CPSF2: variants seen among roughly 807,000 people sequenced by gnomAD.
The protein encoded by CPSF2 is cleavage and polyadenylation specific factor 2.
Under a neutral mutation model 84.2 loss-of-function variants are expected in CPSF2, and 51 were observed. That is an observed-to-expected ratio of 0.61 (90% CI 0.48 to 0.77). The LOEUF is 0.77. CPSF2 is among the 30% of genes least tolerant of loss of function. CPSF2 has a pLI of 0.00. For synonymous variants in CPSF2, 286 were observed against 311.9 expected, an observed-to-expected ratio of 0.92 and a Z score of 0.87; for missense variants, 641 against 929.4, an observed-to-expected ratio of 0.69 and a Z score of 4.03.
In CPSF2 at chr14:92,159,179, T is replaced by C. The variant is rs1293260545; in HGVS notation, c.2018T>C (p.Ile673Thr). The change falls in exon 14 of 16, where the codon ATA becomes ACA. Residue 673 changes from isoleucine to threonine, a missense_variant. Around this residue, in one of 2 missense-constraint regions of CPSF2, gnomAD observed 430 missense variants for 553.6 expected, o/e 0.78. Transcript: ENST00000298875. Reference protein sequence around the residue: ...QVEAPSDSSVIAQQKAMKSLF... With the variant: ...QVEAPSDSSVTAQQKAMKSLF... Reference sequence around the variant, plus strand: ...GAAGCTCCCTCAGATTCTAGCGTTATAGCACAACAAAAGGCCATGAAAAGT... The same window carrying C: ...GAAGCTCCCTCAGATTCTAGCGTTACAGCACAACAAAAGGCCATGAAAAGT... 2 of 1,614,010 alleles carry C rather than the reference T, an allele frequency of 1.2e-6. No individual in the cohort carries two copies. The highest frequency in any genetic ancestry group is 1.7e-6 in the Non-Finnish European group (2 of 1,179,962).
At chr14:92,129,144 G>A (rs1479009095) in intron 2 of CPSF2, among the ~76,000 whole-genome samples, 2 of 152,122 alleles carry the variant, frequency 1.3e-5, no homozygotes. Flanking sequence ...AGTACAGGGG[G>A]TACAAGAAGT....
At chr14:92,135,771 G>A (rs536641846) in intron 6 of CPSF2, among the ~76,000 whole-genome samples, 65 of 152,276 alleles carry the variant, frequency 4.3e-4, no homozygotes, top group Non-Finnish European at 8.8e-4. Context: ...AATTTTTTAC[G>A]TATCAAATTA....
chr14:92,135,966 G>A (rs1271770805), intron 6 of CPSF2, among the ~76,000 whole-genome samples: 1 of 152,188 alleles, frequency 6.6e-6, no homozygotes, highest in East Asian at 1.9e-4. Context: ...TTCCCGTGCT[G>A]TTCTTGTGAT....
intron 9 of CPSF2, among the ~76,000 whole-genome samples, chr14:92,152,644 G>A (rs1019113428): frequency 6.6e-6 from 1 of 151,684 alleles, no homozygotes; most frequent in African/African-American, 2.4e-5. Context: ...TCACCATGTT[G>A]GCCAGGCTGG....
In CPSF2 at chr14:92,147,826, C is replaced by T. The variant is rs1464780101; in HGVS notation, c.1140+4532C>T. Among the ~76,000 whole-genome samples the T allele has an allele frequency of 6.6e-5, 10 of 152,266 alleles. 1 individual carries two copies. In the East Asian group the frequency reaches 1.7e-3, roughly 26 times the overall value. On this transcript the variant is annotated intron_variant, in intron 9 of 15. Coordinates refer to ENST00000298875, the MANE Select transcript of CPSF2 (RefSeq NM_017437.3). Reference sequence around the variant, plus strand: ...GCAGTCTTGAACTCTTGGGCTCAAGCGCGCCTCCTGCTTAAGCCTCCCAAT... The same window carrying T: ...GCAGTCTTGAACTCTTGGGCTCAAGTGCGCCTCCTGCTTAAGCCTCCCAAT...
In CPSF2 at chr14:92,165,540, C is replaced by T. The variant is rs1488203505; in HGVS notation, c.*3796C>T. On this transcript the variant is annotated 3_prime_UTR_variant, in exon 16 of 16. Transcript: ENST00000298875. Reference sequence around the variant, plus strand: ...CTTAATGACTGATGATGTGGAGCCTCTTTCCATGTGTTTATTGACTTTTTA... The same window carrying T: ...CTTAATGACTGATGATGTGGAGCCTTTTTCCATGTGTTTATTGACTTTTTA... The T allele has an allele frequency of 6.6e-6, 1 of 152,094 alleles. No homozygotes were observed. The highest frequency in any genetic ancestry group is 1.9e-4 in the East Asian group (1 of 5,192). 9.4% of individuals were successfully genotyped at this position (152,094 alleles called of 1,614,324 possible). A position where few individuals can be genotyped will look rare whatever the true frequency, so the allele number is the denominator to read the frequency against.
chr14:92,133,055 A>G (rs2068953654), intron 3 of CPSF2, among the ~76,000 whole-genome samples: 4 of 151,818 alleles, frequency 2.6e-5, no homozygotes, highest in African/African-American at 7.3e-5. Context: ...GCGCCAGTGC[A>G]CTCCAGCCTG....
At chr14:92,129,940 G>T (rs1246385437) in intron 2 of CPSF2, among the ~76,000 whole-genome samples, 1 of 151,956 alleles carries the variant, frequency 6.6e-6, no homozygotes, top group African/African-American at 2.4e-5. Flanking sequence ...TAGAGACAGG[G>T]TCTCACTACA....
Position 92,128,085 on chromosome 14 carries a change from G to A in CPSF2, c.-35+1905G>A, listed in dbSNP as rs538921295. On this transcript the variant is annotated intron_variant, in intron 2 of 15. Transcript: ENST00000298875. ...GCCATGAATTTAAAGAGCAAATAGC[G>A]TTAGCCAGGTGTGGTGGCAGGTGCC... Among the ~76,000 whole-genome samples the A allele has an allele frequency of 8.5e-5, 13 of 152,196 alleles. No homozygotes were observed. In the South Asian group the frequency reaches 1.0e-3, roughly 12 times the overall value.
chr14:92,158,174 T>G (rs74074438), intron 13 of CPSF2, among the ~76,000 whole-genome samples: 3,315 of 152,208 alleles, frequency 0.022, 129 homozygotes, highest in African/African-American at 0.077. Context: ...CTAACTGATG[T>G]TTAGATGGGT....
At position 92,165,109 on chromosome 14, in the gene CPSF2, C is replaced by G. The variant is rs1039877381; in HGVS notation, c.*3365C>G. Reference sequence around the variant, plus strand: ...CACTGTTGTAACATGTATCAGTACCCTTTTTGTGACTGAATATTATTCCAC... The same window carrying G: ...CACTGTTGTAACATGTATCAGTACCGTTTTTGTGACTGAATATTATTCCAC... On this transcript the variant is annotated 3_prime_UTR_variant, in exon 16 of 16. Transcript: ENST00000298875. The G allele has an allele frequency of 1.3e-5, 2 of 152,160 alleles. No homozygotes were observed. Among genetic ancestry groups the G allele is most frequent in the Non-Finnish European group, 2.9e-5 (2 of 68,026 alleles). The allele number at this position is 152,160 out of a possible 1,614,324, so 9.4% of individuals were successfully genotyped here. A position where few individuals can be genotyped will look rare whatever the true frequency, so the allele number is the denominator to read the frequency against.
chr14:92,133,724 C>T (rs934571623), intron 3 of CPSF2, among the ~76,000 whole-genome samples: 1 of 151,986 alleles, frequency 6.6e-6, no homozygotes, highest in Non-Finnish European at 1.5e-5. Context: ...CCTTGGCCTC[C>T]CTAAGTGCTG....
At chr14:92,150,347 C>G (rs1248527387) in intron 9 of CPSF2, among the ~76,000 whole-genome samples, 1 of 151,868 alleles carries the variant, frequency 6.6e-6, no homozygotes, top group Non-Finnish European at 1.5e-5. Context: ...GTCTCGAACT[C>G]CTGACCTCAG....
rs920124285 is a variant in CPSF2, at chr14:92,135,008, G to A, written c.416-359G>A. On this transcript the variant is annotated intron_variant, in intron 5 of 15. Transcript: ENST00000298875. ...AATTATTCTGTTAGTTTAGACGTTAGCAAAAATGGAAACATTTGGTAACTG... is the reference window on the plus strand; with the variant it reads ...AATTATTCTGTTAGTTTAGACGTTAACAAAAATGGAAACATTTGGTAACTG... Among the ~76,000 whole-genome samples the A allele has an allele frequency of 4.6e-5, 7 of 152,178 alleles. No individual in the cohort carries two copies. In the East Asian group the frequency reaches 1.4e-3, roughly 29 times the overall value.
chr14:92,122,033 C>G lies in CPSF2; in HGVS notation c.-189C>G, dbSNP rs1016940504. 2 of 590,370 alleles carry G rather than the reference C, an allele frequency of 3.4e-6. No individual in the cohort carries two copies. The highest frequency in any genetic ancestry group is 2.9e-5 in the Admixed American group (1 of 33,912). 36.6% of individuals were successfully genotyped at this position (590,370 alleles called of 1,614,324 possible). A position where few individuals can be genotyped will look rare whatever the true frequency, so the allele number is the denominator to read the frequency against. On this transcript the variant is annotated 5_prime_UTR_variant, in exon 1 of 16. Transcript: ENST00000298875. ...GCTTCTGCCGGCCGGTAGTCCCTGGCGCTGCTGACCCAGCATCGGCTTTTC... is the reference window on the plus strand; with the variant it reads ...GCTTCTGCCGGCCGGTAGTCCCTGGGGCTGCTGACCCAGCATCGGCTTTTC...
intron 9 of CPSF2, among the ~76,000 whole-genome samples, chr14:92,145,750 T>A (rs1346057622): frequency 6.6e-6 from 1 of 152,186 alleles, no homozygotes; most frequent in Admixed American, 6.5e-5. Flanking sequence ...GAAAAATGGT[T>A]TAAGTTTGGA....
At chr14:92,155,026 A>G in intron 10 of CPSF2, 97 bp from the exon 11 acceptor site, 6 of 774,614 alleles carry the variant, frequency 7.7e-6, no homozygotes, top group Non-Finnish European at 1.2e-5. Context: ...ATATTGAATT[A>G]ATAATATTGA....
chr14:92,134,452 A>G (rs2141456973), intron 5 of CPSF2, 97 bp downstream of exon 5: 1 of 787,884 alleles, frequency 1.3e-6, no homozygotes, highest in Non-Finnish European at 2.1e-6. Context: ...TAGGCATTAT[A>G]GGCTGAAGAA....
chr14:92,135,129 G>A (rs1279424710), intron 5 of CPSF2, among the ~76,000 whole-genome samples: 1 of 152,140 alleles, frequency 6.6e-6, no homozygotes, highest in Admixed American at 6.5e-5. Flanking sequence ...GTACTTATAA[G>A]CACAAATAAC....
Sources: allele counts gnomAD v4.1 joint callset (sites outside exome capture counted in the v4.1 genomes callset), GRCh38; gene constraint gnomAD v4.1.1; regional missense constraint gnomAD v4.1.1; transcripts MANE v1.5; gene names NCBI Gene and HGNC (gene_info 2026-07-23, HGNC 2026-07-21).